The following KIAA1328 variants were observed in gnomAD, a reference collection of about 807,000 sequenced individuals.
KIAA1328 encodes KIAA1328.
Under a neutral mutation model 68.1 loss-of-function variants are expected in KIAA1328, and 52 were observed. The ratio of observed to expected loss-of-function variants is 0.76; its 90% CI spans 0.61 to 0.96. The LOEUF (loss-of-function observed/expected upper bound fraction) is 0.96, where lower values mean the gene tolerates loss of function less well. Among genes scored for constraint, KIAA1328 ranks in the 40% least tolerant of loss-of-function variants. The pLI is 0.00. For synonymous variants in KIAA1328, 232 were observed against 239.4 expected, an observed-to-expected ratio of 0.97 and a Z score of 0.28; for missense variants, 641 against 677.6, an observed-to-expected ratio of 0.95 and a Z score of 0.60.
chr18:37,050,541 C>T (rs1003212567), intron 6 of KIAA1328, among the ~76,000 whole-genome samples: 2 of 152,118 alleles, frequency 1.3e-5, no homozygotes, highest in African/African-American at 4.8e-5. Context: ...TTGGCAACTA[C>T]ATTTATATAT....
intron 8 of KIAA1328, among the ~76,000 whole-genome samples, chr18:37,162,631 A>G (rs1329396831): frequency 6.6e-6 from 1 of 152,194 alleles, no homozygotes; most frequent in Non-Finnish European, 1.5e-5. Context: ...CTGATGACCT[A>G]GCACTAATCA....
chr18:36,835,181 G>A (rs1411658523), intron 2 of KIAA1328, 53 bp from the exon 3 acceptor site: 2 of 1,516,028 alleles, frequency 1.3e-6, no homozygotes, highest in African/African-American at 1.4e-5. Flanking sequence ...GATGGGGGAG[G>A]GTTTAAGATA....
At chr18:37,063,447 T>A (rs1330233702) in intron 6 of KIAA1328, 2 of 159,930 alleles carry the variant, frequency 1.3e-5, no homozygotes, top group Non-Finnish European at 2.7e-5. Context: ...ATTAGGAACC[T>A]TAGTTACATA....
intron 5 of KIAA1328, among the ~76,000 whole-genome samples, chr18:36,898,182 C>T (rs1462384980): frequency 6.6e-6 from 1 of 151,892 alleles, no homozygotes; most frequent in Non-Finnish European, 1.5e-5. Flanking sequence ...CAAATGTTAT[C>T]TTTTATTTCA....
At chr18:37,018,388 C>A (rs1345572368) in intron 6 of KIAA1328, among the ~76,000 whole-genome samples, 1 of 152,050 alleles carries the variant, frequency 6.6e-6, no homozygotes, top group Non-Finnish European at 1.5e-5. Context: ...CTCTAGCTGC[C>A]TTTAAGATTT....
intron 7 of KIAA1328, among the ~76,000 whole-genome samples, chr18:37,151,551 T>G (rs1288888165): frequency 6.6e-6 from 1 of 152,148 alleles, no homozygotes; most frequent in African/African-American, 2.4e-5. Flanking sequence ...ATGTAATCAA[T>G]ACAGGTTGGT....
chr18:36,977,499 G>A (rs2052515967), intron 6 of KIAA1328, among the ~76,000 whole-genome samples: 1 of 152,116 alleles, frequency 6.6e-6, no homozygotes, highest in Non-Finnish European at 1.5e-5. Context: ...TTGAGTGACT[G>A]CTGTTTCCCG....
At chr18:36,939,009 G>T (rs1001044039) in intron 5 of KIAA1328, among the ~76,000 whole-genome samples, 1 of 151,982 alleles carries the variant, frequency 6.6e-6, no homozygotes, top group Admixed American at 6.6e-5. Context: ...TAATAGATTC[G>T]AAGTCATACA....
At chr18:36,903,043 AT>A (rs1382578351) in intron 5 of KIAA1328, among the ~76,000 whole-genome samples, 1 of 152,094 alleles carries the variant, frequency 6.6e-6, no homozygotes, top group Non-Finnish European at 1.5e-5. Context: ...TTAATAATTA[AT>A]GCCTTATTCA....
At chr18:37,097,218 A>T (rs145914745) in intron 7 of KIAA1328, among the ~76,000 whole-genome samples, 1,715 of 152,260 alleles carry the variant, frequency 0.011, 25 homozygotes, top group African/African-American at 0.039. Flanking sequence ...TCTAACATTT[A>T]AGTCTTTAAT....
chr18:37,171,966 A>T (rs1008562966), intron 8 of KIAA1328, among the ~76,000 whole-genome samples: 4 of 152,172 alleles, frequency 2.6e-5, no homozygotes, highest in Non-Finnish European at 5.9e-5. Context: ...TAGTTTTTGA[A>T]GCCAAGGATA....
intron 9 of KIAA1328, among the ~76,000 whole-genome samples, chr18:37,200,432 A>G (rs2060086289): frequency 1.3e-5 from 2 of 152,206 alleles, no homozygotes; most frequent in Non-Finnish European, 2.9e-5. Context: ...GAGTCCACCT[A>G]GCAAGTGGCT....
At chr18:37,135,704 T>A (rs993474202) in intron 7 of KIAA1328, among the ~76,000 whole-genome samples, 1 of 152,182 alleles carries the variant, frequency 6.6e-6, no homozygotes, top group Non-Finnish European at 1.5e-5. Flanking sequence ...CACTTGTCAA[T>A]TTTTTGTTCT....
chr18:37,185,688 A>AAT (rs1199602349), intron 9 of KIAA1328, among the ~76,000 whole-genome samples: 1 of 151,210 alleles, frequency 6.6e-6, no homozygotes, highest in Non-Finnish European at 1.5e-5. Context: ...GATATATTTA[A>AAT]ATATATATAT....
At chr18:37,098,361 T>C (rs1599256103) in intron 7 of KIAA1328, among the ~76,000 whole-genome samples, 2 of 152,382 alleles carry the variant, frequency 1.3e-5, no homozygotes, top group African/African-American at 2.4e-5. Context: ...GTTCTGTTTA[T>C]ATGCTGGATT....
At chr18:37,057,139 T>C (rs1401973398) in intron 6 of KIAA1328, among the ~76,000 whole-genome samples, 1 of 152,208 alleles carries the variant, frequency 6.6e-6, no homozygotes, top group Non-Finnish European at 1.5e-5. Flanking sequence ...AAATATGTAG[T>C]ACATTTCAAG....
intron 3 of KIAA1328, among the ~76,000 whole-genome samples, 158 bp from the exon 4 acceptor site, chr18:36,844,050 A>G (rs2046946351): frequency 6.6e-6 from 1 of 152,130 alleles, no homozygotes; most frequent in Non-Finnish European, 1.5e-5. Context: ...TCAGTTCCTT[A>G]GCCTGTTTTT....
At chr18:37,231,005 G>GT (rs2060661924), downstream of KIAA1328, 1 of 152,244 alleles carries the variant, frequency 6.6e-6, no homozygotes, top group African/African-American at 2.4e-5. Context: ...ACATGCTGCT[G>GT]TTTCCTGCCT....
intron 6 of KIAA1328, among the ~76,000 whole-genome samples, chr18:36,975,295 G>C (rs2052420926): frequency 6.7e-6 from 1 of 148,210 alleles, no homozygotes; most frequent in African/African-American, 2.5e-5. Flanking sequence ...CCATTCTCCT[G>C]CCTCAGCCTC....
Sources: allele counts gnomAD v4.1 joint callset (sites outside exome capture counted in the v4.1 genomes callset), GRCh38; gene constraint gnomAD v4.1.1; transcripts MANE v1.5; gene names NCBI Gene and HGNC (gene_info 2026-07-23, HGNC 2026-07-21).